PLCB4: variants seen among roughly 807,000 people sequenced by gnomAD.
The protein encoded by PLCB4 is phospholipase C beta 4, also known as 1-phosphatidylinositol 4,5-bisphosphate phosphodiesterase beta-4.
In PLCB4, 77 loss-of-function variants were observed where a neutral mutation model predicts 178.8. That is an observed-to-expected ratio of 0.43 (90% confidence interval 0.36 to 0.52). PLCB4 has a LOEUF of 0.52. Ranked by LOEUF, PLCB4 falls within the 20% of genes least tolerant of loss-of-function variation. The pLI, the probability that PLCB4 is intolerant of heterozygous loss-of-function variation, is 0.00. For missense variants in PLCB4, 1,024 were observed against 1,453.4 expected, an observed-to-expected ratio of 0.70 and a Z score of 4.80; for synonymous variants, 496 against 490.8, an observed-to-expected ratio of 1.01 and a Z score of -0.14.
chr20:9,369,814 C>T (rs994201695), intron 9 of PLCB4, among the ~76,000 whole-genome samples: 4 of 152,172 alleles, frequency 2.6e-5, no homozygotes, highest in African/African-American at 7.2e-5. Context: ...CTACTTAGCA[C>T]GGATGGCGGA....
intron 4 of PLCB4, among the ~76,000 whole-genome samples, chr20:9,313,151 G>T (rs2094856011): frequency 6.6e-6 from 1 of 152,076 alleles, no homozygotes; most frequent in Non-Finnish European, 1.5e-5. Context: ...AGATATACCT[G>T]TATTTACACT....
chr20:9,247,146 G>A (rs920163256), intron 3 of PLCB4, among the ~76,000 whole-genome samples: 3 of 152,194 alleles, frequency 2.0e-5, no homozygotes, highest in East Asian at 1.9e-4. Flanking sequence ...GATCTTTTTA[G>A]TACTACTGTA....
intron 26 of PLCB4, among the ~76,000 whole-genome samples, chr20:9,420,789 C>T (rs1392058089): frequency 1.3e-5 from 2 of 152,194 alleles, no homozygotes; most frequent in African/African-American, 2.4e-5. Context: ...ATAGCTTTAT[C>T]GTAGATAGAC....
At chr20:9,233,969 A>G (rs1420423363) in intron 3 of PLCB4, among the ~76,000 whole-genome samples, 3 of 152,196 alleles carry the variant, frequency 2.0e-5, no homozygotes, top group Non-Finnish European at 4.4e-5. Context: ...CTGGAAGCAG[A>G]AAAGCCAGTT....
chr20:9,326,772 C>T (rs79535789), intron 4 of PLCB4, among the ~76,000 whole-genome samples: 2,381 of 152,210 alleles, frequency 0.016, 68 homozygotes, highest in African/African-American at 0.054. Flanking sequence ...GGAGCAGGAA[C>T]AAACAGAAGA....
chr20:9,465,643 G>A (rs1283270946), intron 35 of PLCB4, among the ~76,000 whole-genome samples: 1 of 152,172 alleles, frequency 6.6e-6, no homozygotes, highest in Non-Finnish European at 1.5e-5. Context: ...ACCAATGACA[G>A]ACAACCAGAG....
At chr20:9,151,593 C>T (rs1252870412) in intron 2 of PLCB4, among the ~76,000 whole-genome samples, 2 of 152,146 alleles carry the variant, frequency 1.3e-5, no homozygotes, top group African/African-American at 2.4e-5. Flanking sequence ...CTTTCAGCCT[C>T]CCGCCATGAT....
chr20:9,205,132 T>C (rs1285109834), intron 2 of PLCB4, among the ~76,000 whole-genome samples: 2 of 152,204 alleles, frequency 1.3e-5, no homozygotes, highest in Non-Finnish European at 2.9e-5. Flanking sequence ...GCATATGTAA[T>C]GAGTTTCTCT....
intron 9 of PLCB4, among the ~76,000 whole-genome samples, chr20:9,367,295 G>T (rs547873844): frequency 6.6e-6 from 1 of 152,206 alleles, no homozygotes; most frequent in East Asian, 1.9e-4. Flanking sequence ...TTTATTGAGG[G>T]CTTGTTGAGT....
intron 12 of PLCB4, among the ~76,000 whole-genome samples, chr20:9,376,685 A>G (rs552144067): frequency 6.6e-6 from 1 of 152,290 alleles, no homozygotes; most frequent in Admixed American, 6.5e-5. Flanking sequence ...CCTAATGAGA[A>G]GCAAAATTGA....
intron 28 of PLCB4, among the ~76,000 whole-genome samples, chr20:9,424,760 A>T (rs1473770652): frequency 1.3e-5 from 2 of 152,170 alleles, no homozygotes; most frequent in East Asian, 1.9e-4. Flanking sequence ...AGAGTACATG[A>T]TATAGCAAGG....
intron 18 of PLCB4, among the ~76,000 whole-genome samples, chr20:9,394,409 C>T (rs1301476030): frequency 3.9e-5 from 6 of 151,928 alleles, no homozygotes; most frequent in South Asian, 4.1e-4. Flanking sequence ...GACACATGTA[C>T]GTAATGTACA....
At position 9,423,373 on chromosome 20, in the gene PLCB4, G is replaced by A. The variant is rs996768897; in HGVS notation, c.2320-375G>A. Among the ~76,000 whole-genome samples the A allele has an allele frequency of 1.1e-4, 16 of 152,132 alleles. 1 individual carries two copies. Among genetic ancestry groups the A allele is most frequent in the Admixed American group, 8.5e-4 (13 of 15,262 alleles). Reference sequence around the variant, plus strand: ...GCAATATGCCAGATATTAGATCACAGGATTAGATCCCCAATTCCCAGGCCC... The same window carrying A: ...GCAATATGCCAGATATTAGATCACAAGATTAGATCCCCAATTCCCAGGCCC... On this transcript the variant is annotated intron_variant, in intron 27 of 39. Coordinates refer to ENST00000378473, the MANE Select transcript of PLCB4 (RefSeq NM_001377142.1).
intron 3 of PLCB4, among the ~76,000 whole-genome samples, chr20:9,297,155 G>T (rs191380384): frequency 6.7e-6 from 1 of 149,356 alleles, no homozygotes; most frequent in Non-Finnish European, 1.5e-5. Context: ...TCTATAGCCC[G>T]CACCCCCCCC....
At chr20:9,397,660 C>G (rs1009821133) in intron 19 of PLCB4, among the ~76,000 whole-genome samples, 1 of 152,182 alleles carries the variant, frequency 6.6e-6, no homozygotes, top group African/African-American at 2.4e-5. Flanking sequence ...AGTTGCATGT[C>G]CAGTCCTTGG....
At chr20:9,275,771 T>C (rs1288043512) in intron 3 of PLCB4, among the ~76,000 whole-genome samples, 3 of 152,060 alleles carry the variant, frequency 2.0e-5, no homozygotes, top group African/African-American at 7.2e-5. Flanking sequence ...GCTTATTTTG[T>C]CCAAGTGACG....
chr20:9,361,470 C>T (rs1217709387), intron 7 of PLCB4, among the ~76,000 whole-genome samples: 1 of 152,048 alleles, frequency 6.6e-6, no homozygotes, highest in South Asian at 2.1e-4. Flanking sequence ...TAATATTTAT[C>T]AATGGCTGGG....
At chr20:9,454,992 C>A (rs769766566) in intron 33 of PLCB4, among the ~76,000 whole-genome samples, 1 of 152,198 alleles carries the variant, frequency 6.6e-6, no homozygotes, top group African/African-American at 2.4e-5. Flanking sequence ...GTAAGTGAGT[C>A]ACCCACCTCG....
intron 3 of PLCB4, among the ~76,000 whole-genome samples, chr20:9,282,239 A>G (rs1174726890): frequency 6.6e-6 from 1 of 152,036 alleles, no homozygotes; most frequent in East Asian, 1.9e-4. Context: ...ATCATCTGTG[A>G]TAGTACCAGT....
Sources: gnomAD v4.1 joint callset for allele counts (sites outside exome capture counted in the v4.1 genomes callset) on GRCh38, gnomAD v4.1.1 for gene constraint, MANE v1.5 for transcripts, NCBI Gene and HGNC (gene_info 2026-07-23, HGNC 2026-07-21) for gene names.